The following PTPRD variants were observed in gnomAD, a reference collection of about 807,000 sequenced individuals.
PTPRD encodes receptor-type tyrosine-protein phosphatase delta.
In PTPRD, 34 loss-of-function variants were observed where a neutral mutation model predicts 214.5. That is an observed-to-expected ratio of 0.16 (90% CI 0.12 to 0.21). PTPRD has a LOEUF of 0.21. PTPRD is among the 10% of genes least tolerant of loss of function. PTPRD has a pLI of 1.00. For missense variants in PTPRD, 2,545 were observed against 2,398.7 expected, an observed-to-expected ratio of 1.06 and a Z score of -1.27; for synonymous variants, 1,128 against 845.7, an observed-to-expected ratio of 1.33 and a Z score of -5.79.
At chr9:8,607,994 C>T (rs561825691) in intron 14 of PTPRD, among the ~76,000 whole-genome samples, 2 of 152,314 alleles carry the variant, frequency 1.3e-5, no homozygotes, top group South Asian at 2.1e-4. Flanking sequence ...ACTTGGGCTG[C>T]AAACATCTGT....
intron 3 of PTPRD, among the ~76,000 whole-genome samples, chr9:10,112,039 A>G (rs988107764): frequency 6.6e-6 from 1 of 152,226 alleles, no homozygotes; most frequent in African/African-American, 2.4e-5. Flanking sequence ...GTTTAAATCA[A>G]TTGTGAATAA....
intron 12 of PTPRD, among the ~76,000 whole-genome samples, chr9:8,708,617 T>G (rs947222780): frequency 7.2e-6 from 1 of 138,890 alleles, no homozygotes; most frequent in Non-Finnish European, 1.5e-5. Context: ...AGTCGGAAGT[T>G]GCAGTGAGCC....
intron 3 of PTPRD, among the ~76,000 whole-genome samples, chr9:10,122,372 A>G (rs1219809939): frequency 6.6e-6 from 1 of 152,208 alleles, no homozygotes; most frequent in African/African-American, 2.4e-5. Context: ...TAGAAAGTCA[A>G]TGAAAATAAT....
chr9:10,252,460 G>A (rs137965282), intron 3 of PTPRD, among the ~76,000 whole-genome samples: 1 of 152,222 alleles, frequency 6.6e-6, no homozygotes, highest in African/African-American at 2.4e-5. Flanking sequence ...AGCCTTTGAA[G>A]TAACACCAGC....
chr9:10,071,398 G>C (rs1490278724), intron 3 of PTPRD, among the ~76,000 whole-genome samples: 3 of 151,996 alleles, frequency 2.0e-5, no homozygotes, highest in Non-Finnish European at 4.4e-5. Flanking sequence ...CAGTAACCAA[G>C]TCAGTGGGAT....
intron 3 of PTPRD, among the ~76,000 whole-genome samples, chr9:10,166,632 T>A (rs1371310902): frequency 6.6e-6 from 1 of 152,008 alleles, no homozygotes; most frequent in African/African-American, 2.4e-5. Flanking sequence ...GCATAAACTC[T>A]GCTGTGAGTT....
At chr9:9,090,660 T>G (rs1161861152) in intron 10 of PTPRD, among the ~76,000 whole-genome samples, 3 of 152,178 alleles carry the variant, frequency 2.0e-5, no homozygotes, top group Non-Finnish European at 4.4e-5. Context: ...CCTGGCACTT[T>G]CATACAAACT....
chr9:10,047,061 G>C (rs2097413738), intron 3 of PTPRD, among the ~76,000 whole-genome samples: 1 of 151,610 alleles, frequency 6.6e-6, no homozygotes, highest in African/African-American at 2.4e-5. Flanking sequence ...TTTCTATCTT[G>C]TATGACAAAG....
At chr9:9,840,350 A>G (rs2057987114) in intron 5 of PTPRD, among the ~76,000 whole-genome samples, 1 of 152,242 alleles carries the variant, frequency 6.6e-6, no homozygotes, top group South Asian at 2.1e-4. Flanking sequence ...GTTAAGGAAA[A>G]CACAAATTTA....
At chr9:10,458,891 C>T (rs1246199609) in intron 2 of PTPRD, among the ~76,000 whole-genome samples, 1 of 151,940 alleles carries the variant, frequency 6.6e-6, no homozygotes, top group African/African-American at 2.4e-5. Context: ...TATTTTTTAA[C>T]TTTAAAAAGG....
intron 10 of PTPRD, among the ~76,000 whole-genome samples, chr9:9,181,281 C>A (rs925741853): frequency 6.6e-6 from 1 of 151,764 alleles, no homozygotes; most frequent in Non-Finnish European, 1.5e-5. Context: ...ATCTTGTTTT[C>A]GTTTTTATTC....
At chr9:8,492,230 C>G (rs966015984) in intron 27 of PTPRD, among the ~76,000 whole-genome samples, 1 of 152,166 alleles carries the variant, frequency 6.6e-6, no homozygotes, top group Non-Finnish European at 1.5e-5. Flanking sequence ...AACTGTAAGT[C>G]ATGAACCCAG....
chr9:8,396,639 C>T (rs1251423654), intron 36 of PTPRD, among the ~76,000 whole-genome samples: 4 of 152,176 alleles, frequency 2.6e-5, no homozygotes, highest in Non-Finnish European at 5.9e-5. Flanking sequence ...AAAAACAACA[C>T]AGCCAGCCAG....
rs141265081 is a variant in PTPRD, at chr9:8,781,115, T to G, written c.-103-47169A>C. On this transcript the variant is annotated intron_variant, in intron 11 of 45. Transcript: ENST00000381196. The stretch of plus-strand genomic sequence containing the variant: ...CACTTTTTTTTTTCCAGTCCCTGAT[T>G]AAAAGATTCTGCAGTTTATGACCAG... 1.3e-3 allele frequency among the ~76,000 whole-genome samples: 203 copies of G among 152,276 alleles called. 1 individual carries two copies. Among genetic ancestry groups the G allele is most frequent in the Middle Eastern group, 3.4e-3 (1 of 294 alleles).
chr9:8,598,139 T>C (rs1024795430), intron 14 of PTPRD, among the ~76,000 whole-genome samples: 4 of 152,150 alleles, frequency 2.6e-5, no homozygotes, highest in African/African-American at 7.2e-5. Context: ...CACTGGATCA[T>C]GATTAGACTT....
chr9:10,011,277 T>C (rs1051186514), intron 4 of PTPRD, among the ~76,000 whole-genome samples: 1 of 151,940 alleles, frequency 6.6e-6, no homozygotes, highest in African/African-American at 2.4e-5. Context: ...AAGCATTGAA[T>C]TGTAAAATAT....
intron 16 of PTPRD, 149 bp from the exon 17 acceptor site, chr9:8,526,793 C>T: frequency 1.7e-6 from 1 of 586,680 alleles, no homozygotes; most frequent in Non-Finnish European, 2.9e-6. Context: ...ATTGGTAAAA[C>T]AGGAATATAT....
At chr9:8,931,134 T>C (rs1257678562) in intron 11 of PTPRD, among the ~76,000 whole-genome samples, 1 of 152,070 alleles carries the variant, frequency 6.6e-6, no homozygotes, top group Non-Finnish European at 1.5e-5. Flanking sequence ...GAATTAATTT[T>C]TGTATAAGGT....
At chr9:9,908,122 C>T (rs1007592967) in intron 5 of PTPRD, among the ~76,000 whole-genome samples, 16 of 150,210 alleles carry the variant, frequency 1.1e-4, no homozygotes, top group African/African-American at 3.9e-4. Context: ...ATAAAATTAA[C>T]AGAAAAAAAA....
Sources: gnomAD v4.1 joint callset for allele counts (sites outside exome capture counted in the v4.1 genomes callset) on GRCh38, gnomAD v4.1.1 for gene constraint, MANE v1.5 for transcripts, NCBI Gene and HGNC (gene_info 2026-07-23, HGNC 2026-07-21) for gene names.